Variants in EPM2A observed in about 807,000 individuals in gnomAD.
EPM2A encodes laforin.
A neutral mutation model predicts 26.5 loss-of-function variants in EPM2A; 21 were observed. The observed-to-expected ratio is 0.79, with a 90% CI of 0.56 to 1.14. The LOEUF (loss-of-function observed/expected upper bound fraction) is 1.14, where lower values mean the gene tolerates loss of function less well. Among genes scored for constraint, EPM2A ranks in the 50% most tolerant of loss-of-function variants. The probability of loss-of-function intolerance (pLI) is 0.00; values close to 1 mark genes in which losing one functional copy is unlikely to be tolerated. For missense variants in EPM2A, 458 were observed against 440.8 expected (o/e 1.04, Z -0.35); for synonymous variants, 217 against 177.6 (o/e 1.22, Z -1.76).
In EPM2A at chr6:145,715,269, T is replaced by TG. The variant is rs1184194687; in HGVS notation, c.301+19928_301+19929insC. Among the ~76,000 whole-genome samples the TG allele has an allele frequency of 1.1e-4, 16 of 152,246 alleles. No individual in the cohort carries two copies. The East Asian group carries it at 2.5e-3, about 24-fold the overall frequency. ...CAGGCACCCACCAGACAGGACACCC[T>TG]TCTATGGCAAGGCACTCATACACAG... is the stretch of plus-strand genomic sequence containing the variant. On this transcript the variant is annotated intron_variant, in intron 1 of 3. Coordinates refer to ENST00000367519, the MANE Select transcript of EPM2A (RefSeq NM_005670.4).
intron 1 of EPM2A, among the ~76,000 whole-genome samples, chr6:145,706,430 C>A (rs1172417345): frequency 6.6e-6 from 1 of 152,196 alleles, no homozygotes; most frequent in East Asian, 1.9e-4. Flanking sequence ...CACTAAACTG[C>A]ATGCTATTTT....
intron 1 of EPM2A, among the ~76,000 whole-genome samples, chr6:145,687,114 T>G (rs1419320591): frequency 1.3e-5 from 2 of 152,100 alleles, no homozygotes; most frequent in East Asian, 3.8e-4. Flanking sequence ...CCCCCAAAAT[T>G]TATATGTTGA....
At position 145,735,370 on chromosome 6, in the gene EPM2A, G is replaced by A; in HGVS notation, c.129C>T (p.Ala43=). ...EPRGAVRLRP[A]GTAAGDGALA... is the part of the protein sequence containing the mutation. ...GGGCCCCGTCGCCCGCCGCGGTGCC[G>A]GCCGGCCTCAGGCGGACGGCACCGC... The change falls in exon 1 of 4, where the codon GCC becomes GCT. Residue 43 remains alanine, a synonymous_variant. Transcript: ENST00000367519. The A allele has an allele frequency of 1.6e-6, 2 of 1,250,822 alleles. No homozygotes were observed. The allele number at this position is 1,250,822 out of a possible 1,614,324, so 77.5% of individuals were successfully genotyped here. A position where few individuals can be genotyped will look rare whatever the true frequency, so the allele number is the denominator to read the frequency against.
chr6:145,552,005 G>A (rs1270050056), intron 2 of EPM2A, among the ~76,000 whole-genome samples: 3 of 151,534 alleles, frequency 2.0e-5, no homozygotes, highest in African/African-American at 7.3e-5. Flanking sequence ...CTAAAAACTT[G>A]AGACTAAATA....
intron 3 of EPM2A, among the ~76,000 whole-genome samples, chr6:145,502,298 T>A (rs1343985613): frequency 1.3e-5 from 2 of 152,268 alleles, no homozygotes; most frequent in Non-Finnish European, 2.9e-5. Flanking sequence ...CCAAGCTTTT[T>A]GACTCCCTCC....
At chr6:145,692,486 A>G (rs1781338033) in intron 1 of EPM2A, among the ~76,000 whole-genome samples, 1 of 152,100 alleles carries the variant, frequency 6.6e-6, no homozygotes, top group Non-Finnish European at 1.5e-5. Flanking sequence ...GAAAATTTAA[A>G]TCATACAAAT....
chr6:145,521,326 G>C lies in EPM2A; in HGVS notation c.341-18751C>G, dbSNP rs1327183754. On this transcript the variant is annotated intron_variant, in intron 2 of 3. Coordinates refer to the EPM2A transcript ENST00000450221. ...GCATTGAGATTTTGAAAGCATAAAA[G>C]AAGACATATTAATAAAATAGCCATC... Among the ~76,000 whole-genome samples, 5 of 152,230 alleles carry C rather than the reference G, an allele frequency of 3.3e-5. No individual in the cohort carries two copies. The East Asian group carries it at 7.7e-4, about 24-fold the overall frequency.
rs753525886 is a variant in EPM2A, at chr6:145,626,744, G to C, written c.*672C>G. 57 of 985,738 alleles carry C rather than the reference G, an allele frequency of 5.8e-5. No homozygotes were observed. Among genetic ancestry groups the C allele is most frequent in the Non-Finnish European group, 6.6e-5 (55 of 830,404 alleles). The allele number at this position is 985,738 out of a possible 1,614,324, so 61.1% of individuals were successfully genotyped here. ...TGACATCTCAACTATAAAAAACAAG[G>C]GTATTTTTTGCTTTGTTTGGTAATT... On this transcript the variant is annotated 3_prime_UTR_variant, in exon 4 of 4. Transcript: ENST00000367519.
chr6:145,600,482 T>C (rs1057214404), intron 2 of EPM2A, among the ~76,000 whole-genome samples: 2 of 152,210 alleles, frequency 1.3e-5, no homozygotes, highest in African/African-American at 2.4e-5. Flanking sequence ...TGTTTTCCTA[T>C]CTTTTCAGTT....
At chr6:145,463,971 C>T (rs751028439) in intron 4 of EPM2A, among the ~76,000 whole-genome samples, 4 of 152,058 alleles carry the variant, frequency 2.6e-5, no homozygotes, top group Non-Finnish European at 5.9e-5. Context: ...GGGGCTGTTT[C>T]CCCCATGCTG....
chr6:145,635,117 A>T, intron 3 of EPM2A, 128 bp downstream of exon 3: 1 of 1,067,282 alleles, frequency 9.4e-7, no homozygotes, highest in Non-Finnish European at 1.4e-6. Context: ...TATATATATT[A>T]AATCTAAAAT....
At chr6:145,383,886 A>C (rs1778223584) in exon 5 of EPM2A, 2 of 152,216 alleles carry the variant, frequency 1.3e-5, no homozygotes, top group Admixed American at 6.5e-5. Flanking sequence ...TAGCATCCAC[A>C]TATCTTTTTC....
At chr6:145,692,054 A>G (rs187367457) in intron 1 of EPM2A, among the ~76,000 whole-genome samples, 2 of 152,192 alleles carry the variant, frequency 1.3e-5, no homozygotes, top group East Asian at 3.9e-4. Context: ...GCAAACATTA[A>G]TCAAAAAGCA....
chr6:145,668,664 T>G (rs1417125093), intron 2 of EPM2A, among the ~76,000 whole-genome samples: 3 of 152,144 alleles, frequency 2.0e-5, no homozygotes, highest in African/African-American at 7.2e-5. Context: ...TATTGGCTGC[T>G]ATGATCTCAG....
intron 4 of EPM2A, among the ~76,000 whole-genome samples, chr6:145,453,510 CAAAA>C (rs1218728289): frequency 6.6e-6 from 1 of 151,908 alleles, no homozygotes; most frequent in Non-Finnish European, 1.5e-5. Context: ...ACCAAACAAA[CAAAA>C]AGATAACAAA....
intron 4 of EPM2A, among the ~76,000 whole-genome samples, chr6:145,419,190 C>G (rs564698452): frequency 1.3e-5 from 2 of 148,994 alleles, no homozygotes; most frequent in East Asian, 2.0e-4. Flanking sequence ...TCCCCCCCCC[C>G]CGCTCCTTTC....
At chr6:145,454,747 A>G (rs1779238427) in intron 4 of EPM2A, among the ~76,000 whole-genome samples, 1 of 152,188 alleles carries the variant, frequency 6.6e-6, no homozygotes, top group African/African-American at 2.4e-5. Context: ...CATATATGAA[A>G]CTTTACACCC....
chr6:145,704,569 T>TA (rs948883033), intron 1 of EPM2A, among the ~76,000 whole-genome samples: 14 of 152,160 alleles, frequency 9.2e-5, no homozygotes, highest in African/African-American at 3.4e-4. Context: ...ATTTCAAGAT[T>TA]AAATGACCTG....
intron 4 of EPM2A, among the ~76,000 whole-genome samples, chr6:145,434,581 T>C (rs533533457): frequency 6.6e-6 from 1 of 152,214 alleles, no homozygotes; most frequent in Non-Finnish European, 1.5e-5. Flanking sequence ...TTTCACCTAT[T>C]GGCTTGAAAA....
Sources: gnomAD v4.1 joint callset for allele counts (sites outside exome capture counted in the v4.1 genomes callset) on GRCh38, gnomAD v4.1.1 for gene constraint, MANE v1.5 for transcripts, NCBI Gene and HGNC (gene_info 2026-07-23, HGNC 2026-07-21) for gene names.